The following ZBTB7C variants were observed in gnomAD, a reference collection of about 807,000 sequenced individuals.
ZBTB7C encodes zinc finger and BTB domain containing 7C.
ZBTB7C carries 8 observed loss-of-function variants against 25.7 expected under a neutral mutation model. That is an observed-to-expected ratio of 0.31 (90% CI 0.18 to 0.56). The LOEUF is 0.56. ZBTB7C is among the 20% of genes least tolerant of loss of function. The probability of loss-of-function intolerance (pLI) is 0.91; values close to 1 mark genes in which losing one functional copy is unlikely to be tolerated. For missense variants in ZBTB7C, 824 were observed against 855.2 expected (o/e 0.96, Z 0.46); for synonymous variants, 394 against 369.0 (o/e 1.07, Z -0.78).
At chr18:48,143,500 G>A (rs1427139750) in intron 3 of ZBTB7C, among the ~76,000 whole-genome samples, 1 of 152,152 alleles carries the variant, frequency 6.6e-6, no homozygotes, top group Non-Finnish European at 1.5e-5. Context: ...GGATCCCTGA[G>A]GGTCTAGGCA....
At chr18:48,105,874 G>A (rs2039011133) in intron 3 of ZBTB7C, among the ~76,000 whole-genome samples, 1 of 152,168 alleles carries the variant, frequency 6.6e-6, no homozygotes, top group African/African-American at 2.4e-5. Context: ...GACATCTTGT[G>A]TCTCAATATA....
At chr18:48,329,713 T>C (rs2046302200) in intron 2 of ZBTB7C, among the ~76,000 whole-genome samples, 1 of 152,244 alleles carries the variant, frequency 6.6e-6, no homozygotes, top group South Asian at 2.1e-4. Flanking sequence ...ACACTGTCCA[T>C]TAAACTCTCG....
Position 48,198,038 on chromosome 18 carries a change from T to G in ZBTB7C, c.-78-12043A>C, listed in dbSNP as rs575292523. On this transcript the variant is annotated intron_variant, in intron 2 of 4. Transcript: ENST00000590800. ...TTGCAGTATTGTGATGAGGTAGATA[T>G]GATTCATGGATGAGCACAAGATACG... 1.7e-4 allele frequency among the ~76,000 whole-genome samples: 26 copies of G among 152,320 alleles called. 1 individual carries two copies. The South Asian group carries it at 5.4e-3, about 32-fold the overall frequency.
At chr18:48,130,564 TC>T (rs1168501946) in intron 3 of ZBTB7C, among the ~76,000 whole-genome samples, 3 of 152,124 alleles carry the variant, frequency 2.0e-5, no homozygotes, top group Non-Finnish European at 4.4e-5. Flanking sequence ...AAAATTGTCC[TC>T]AACACTCAGA....
chr18:48,128,538 A>G (rs1013306063), intron 3 of ZBTB7C, among the ~76,000 whole-genome samples: 2 of 152,262 alleles, frequency 1.3e-5, no homozygotes, highest in African/African-American at 4.8e-5. Flanking sequence ...AAAGGAACAA[A>G]ATAATGTCTT....
intron 3 of ZBTB7C, among the ~76,000 whole-genome samples, chr18:48,055,047 G>A (rs1049524398): frequency 6.6e-6 from 1 of 152,104 alleles, no homozygotes; most frequent in Non-Finnish European, 1.5e-5. Flanking sequence ...AGGGGCTTCT[G>A]GCTTCACTGG....
At chr18:48,145,433 C>A (rs1461334217) in intron 3 of ZBTB7C, among the ~76,000 whole-genome samples, 1 of 152,194 alleles carries the variant, frequency 6.6e-6, no homozygotes, top group Non-Finnish European at 1.5e-5. Flanking sequence ...GAACTTTAGA[C>A]CCCTGCCCTG....
intron 3 of ZBTB7C, among the ~76,000 whole-genome samples, chr18:48,055,760 C>T (rs2036890883): frequency 6.6e-6 from 1 of 152,154 alleles, no homozygotes; most frequent in African/African-American, 2.4e-5. Flanking sequence ...CTACCCTTTC[C>T]CTCCACCCCA....
At chr18:48,323,379 A>G (rs969713588) in intron 2 of ZBTB7C, among the ~76,000 whole-genome samples, 1 of 152,108 alleles carries the variant, frequency 6.6e-6, no homozygotes, top group Non-Finnish European at 1.5e-5. Context: ...TCCTCTGGGG[A>G]AGGCGTTGTC....
chr18:48,401,869 C>T (rs2048166752), intron 1 of ZBTB7C, among the ~76,000 whole-genome samples: 1 of 152,044 alleles, frequency 6.6e-6, no homozygotes, highest in Admixed American at 6.6e-5. Flanking sequence ...TCCAAAAACC[C>T]ATCAAAATTC....
At chr18:48,052,658 T>G (rs1399777867) in intron 3 of ZBTB7C, among the ~76,000 whole-genome samples, 2 of 152,064 alleles carry the variant, frequency 1.3e-5, no homozygotes, top group Non-Finnish European at 2.9e-5. Flanking sequence ...AGTACCCAGG[T>G]GTGCAGTCAG....
intron 3 of ZBTB7C, among the ~76,000 whole-genome samples, chr18:48,125,240 G>A (rs573364939): frequency 1.3e-5 from 2 of 152,292 alleles, no homozygotes; most frequent in South Asian, 4.1e-4. Context: ...TTAGAAAGTG[G>A]GTGAACTGAG....
chr18:48,128,184 C>T (rs560372627), intron 3 of ZBTB7C, among the ~76,000 whole-genome samples: 6 of 152,332 alleles, frequency 3.9e-5, no homozygotes, highest in South Asian at 2.1e-4. Context: ...TGCAATGCCC[C>T]GAACCGACTG....
chr18:48,230,929 G>A (rs1453156536), intron 2 of ZBTB7C, among the ~76,000 whole-genome samples: 1 of 152,210 alleles, frequency 6.6e-6, no homozygotes, highest in Non-Finnish European at 1.5e-5. Context: ...AAGCCTGGGA[G>A]CTGTCACAAG....
intron 1 of ZBTB7C, among the ~76,000 whole-genome samples, chr18:48,380,375 T>C (rs902708345): frequency 1.3e-5 from 2 of 152,168 alleles, no homozygotes; most frequent in African/African-American, 2.4e-5. Context: ...GGTTTCTCAC[T>C]GTTGGAATGG....
At chr18:48,296,848 C>T (rs1012118422) in intron 2 of ZBTB7C, among the ~76,000 whole-genome samples, 10 of 152,238 alleles carry the variant, frequency 6.6e-5, no homozygotes, top group African/African-American at 1.9e-4. Flanking sequence ...CACAGGAGCG[C>T]GAACTCTATT....
chr18:48,037,292 C>A (rs1270011709), intron 4 of ZBTB7C, among the ~76,000 whole-genome samples: 1 of 152,220 alleles, frequency 6.6e-6, no homozygotes, highest in Non-Finnish European at 1.5e-5. Context: ...GAACCCAAGG[C>A]CAGATGGCTG....
chr18:48,106,016 T>C (rs1478372341), intron 3 of ZBTB7C, among the ~76,000 whole-genome samples: 2 of 152,258 alleles, frequency 1.3e-5, no homozygotes, highest in African/African-American at 4.8e-5. Context: ...TCCTATGACC[T>C]GAACCAGACT....
chr18:48,337,117 C>T (rs907629569), intron 2 of ZBTB7C, among the ~76,000 whole-genome samples: 2 of 152,208 alleles, frequency 1.3e-5, no homozygotes, highest in South Asian at 2.1e-4. Flanking sequence ...TAGAACAAGG[C>T]CACCCAGAAG....
Sources: allele counts gnomAD v4.1 joint callset (sites outside exome capture counted in the v4.1 genomes callset), GRCh38; gene constraint gnomAD v4.1.1; transcripts MANE v1.5; gene names NCBI Gene and HGNC (gene_info 2026-07-23, HGNC 2026-07-21).